NRG3: variants seen among roughly 807,000 people sequenced by gnomAD.
The protein encoded by NRG3 is pro-neuregulin-3, membrane-bound isoform.
Under a neutral mutation model 66.9 loss-of-function variants are expected in NRG3, and 31 were observed. The observed-to-expected ratio is 0.46, with a 90% CI of 0.35 to 0.63. The LOEUF is 0.63. Ranked by LOEUF, NRG3 falls within the 20% of genes least tolerant of loss-of-function variation. The pLI is 0.00. For synonymous variants in NRG3, 393 were observed against 359.4 expected, an observed-to-expected ratio of 1.09 and a Z score of -1.06; for missense variants, 910 against 878.9, an observed-to-expected ratio of 1.04 and a Z score of -0.45.
intron 2 of NRG3, among the ~76,000 whole-genome samples, chr10:82,537,338 C>T (rs1310428337): frequency 6.6e-6 from 1 of 152,064 alleles, no homozygotes; most frequent in Non-Finnish European, 1.5e-5. Flanking sequence ...ATATCAAACC[C>T]TCCAAAACAA....
chr10:82,075,681 C>A (rs904851882), intron 1 of NRG3, among the ~76,000 whole-genome samples: 6 of 151,930 alleles, frequency 3.9e-5, no homozygotes, highest in Non-Finnish European at 7.4e-5. Context: ...TTTCCTTATA[C>A]GTTCTGTAAT....
At chr10:82,789,212 A>T (rs2060488046) in intron 3 of NRG3, among the ~76,000 whole-genome samples, 1 of 152,188 alleles carries the variant, frequency 6.6e-6, no homozygotes, top group East Asian at 1.9e-4. Context: ...GTATCTCACT[A>T]GGGTTTTAAT....
chr10:82,572,208 C>T (rs540058013), intron 2 of NRG3, among the ~76,000 whole-genome samples: 123 of 151,656 alleles, frequency 8.1e-4, no homozygotes, highest in South Asian at 2.1e-3. Context: ...AACTGTAGCC[C>T]TCAGCATTTT....
At chr10:82,968,438 T>TA (rs1203334165) in intron 6 of NRG3, among the ~76,000 whole-genome samples, 16 of 152,216 alleles carry the variant, frequency 1.1e-4, no homozygotes, top group African/African-American at 3.9e-4. Context: ...AACAACTGTT[T>TA]AATATCGCAA....
intron 2 of NRG3, among the ~76,000 whole-genome samples, chr10:82,686,178 T>A (rs954430273): frequency 5.5e-4 from 1 of 1,828 alleles, no homozygotes; most frequent in African/African-American, 1.2e-3. Context: ...CTATGCTTTC[T>A]TTTTTTTTTT....
At chr10:82,397,645 G>A (rs554712264) in intron 2 of NRG3, among the ~76,000 whole-genome samples, 1 of 152,200 alleles carries the variant, frequency 6.6e-6, no homozygotes, top group African/African-American at 2.4e-5. Context: ...TGTCAAAAAT[G>A]AATTTGTTAC....
chr10:82,562,140 G>C (rs757755030), intron 2 of NRG3, among the ~76,000 whole-genome samples: 1 of 152,038 alleles, frequency 6.6e-6, no homozygotes, highest in Non-Finnish European at 1.5e-5. Flanking sequence ...GAAATATTAC[G>C]GTGCTAAATT....
intron 2 of NRG3, among the ~76,000 whole-genome samples, chr10:82,469,596 A>T (rs895200418): frequency 6.6e-6 from 1 of 152,138 alleles, no homozygotes; most frequent in Non-Finnish European, 1.5e-5. Flanking sequence ...CTAGAATAGG[A>T]GTGGGTATGC....
At chr10:82,280,771 CT>C (rs1261689722) in intron 1 of NRG3, among the ~76,000 whole-genome samples, 4 of 152,158 alleles carry the variant, frequency 2.6e-5, no homozygotes, top group Non-Finnish European at 5.9e-5. Flanking sequence ...AATTACTTAT[CT>C]CTGTATTAGC....
intron 2 of NRG3, among the ~76,000 whole-genome samples, chr10:82,528,901 G>A (rs75824770): frequency 0.012 from 1,807 of 152,058 alleles, 32 homozygotes; most frequent in African/African-American, 0.041. Flanking sequence ...GGATGACCTA[G>A]GATAGCCCTG....
chr10:82,610,118 C>G (rs2048216627), intron 2 of NRG3, among the ~76,000 whole-genome samples: 1 of 152,166 alleles, frequency 6.6e-6, no homozygotes. Context: ...CATCGAGGGC[C>G]CCTGTATTCC....
chr10:82,889,620 C>A (rs1842982533), intron 4 of NRG3, among the ~76,000 whole-genome samples: 2 of 152,148 alleles, frequency 1.3e-5, no homozygotes, highest in South Asian at 4.1e-4. Context: ...ACAGAAACTT[C>A]AACGTGAAAC....
chr10:82,499,971 T>C (rs900083516), intron 2 of NRG3, among the ~76,000 whole-genome samples: 1 of 152,086 alleles, frequency 6.6e-6, no homozygotes, highest in East Asian at 1.9e-4. Context: ...TAGCCTTCAT[T>C]GTGAGTATAA....
At chr10:82,740,451 T>G (rs967485582) in intron 3 of NRG3, among the ~76,000 whole-genome samples, 7 of 152,120 alleles carry the variant, frequency 4.6e-5, no homozygotes, top group African/African-American at 1.7e-4. Flanking sequence ...ATAATGACTA[T>G]TCTCTCCTCG....
intron 2 of NRG3, among the ~76,000 whole-genome samples, chr10:82,652,250 G>A (rs1053182481): frequency 9.2e-5 from 14 of 152,140 alleles, no homozygotes; most frequent in South Asian, 2.1e-4. Context: ...GCCTTCCACC[G>A]GTGAGGGCAA....
intron 2 of NRG3, among the ~76,000 whole-genome samples, chr10:82,447,249 C>A (rs893775312): frequency 6.6e-6 from 1 of 152,098 alleles, no homozygotes; most frequent in Non-Finnish European, 1.5e-5. Context: ...GAATGTTCTT[C>A]TATTTGAATT....
At chr10:82,163,896 C>A (rs1337465730) in intron 1 of NRG3, among the ~76,000 whole-genome samples, 1 of 150,370 alleles carries the variant, frequency 6.7e-6, no homozygotes, top group Non-Finnish European at 1.5e-5. Flanking sequence ...ATGATAGGGT[C>A]TATAGGTTTT....
intron 2 of NRG3, among the ~76,000 whole-genome samples, chr10:82,404,669 C>G (rs1406177420): frequency 6.6e-6 from 1 of 152,112 alleles, no homozygotes; most frequent in Non-Finnish European, 1.5e-5. Flanking sequence ...ATAGTTATTT[C>G]TGTATATTTG....
chr10:82,570,065 T>G (rs1344418867), intron 2 of NRG3, among the ~76,000 whole-genome samples: 1 of 151,658 alleles, frequency 6.6e-6, no homozygotes, highest in Admixed American at 6.6e-5. Flanking sequence ...CCATGTGTTC[T>G]TATTCCATTA....
Sources: gnomAD v4.1 joint callset for allele counts (sites outside exome capture counted in the v4.1 genomes callset) on GRCh38, gnomAD v4.1.1 for gene constraint, MANE v1.5 for transcripts, NCBI Gene and HGNC (gene_info 2026-07-23, HGNC 2026-07-21) for gene names.